Variants in SMYD3 observed in about 807,000 individuals in gnomAD.
The protein encoded by SMYD3 is SET and MYND domain containing 3.
Under a neutral mutation model 57.7 loss-of-function variants are expected in SMYD3, and 36 were observed. The observed-to-expected ratio is 0.62, with a 90% confidence interval of 0.48 to 0.82. The LOEUF is 0.82. SMYD3 is among the 40% of genes least tolerant of loss of function. The pLI is 0.00. For missense variants in SMYD3, 515 were observed against 538.8 expected (o/e 0.96, Z 0.44); for synonymous variants, 211 against 195.0 (o/e 1.08, Z -0.68).
At chr1:246,194,185 T>C (rs899913477) in intron 5 of SMYD3, among the ~76,000 whole-genome samples, 1 of 152,006 alleles carries the variant, frequency 6.6e-6, no homozygotes, top group African/African-American at 2.4e-5. Context: ...TTTAAAAAAG[T>C]ATCAAGGGGG....
At chr1:246,251,214 A>G (rs931932545) in intron 5 of SMYD3, among the ~76,000 whole-genome samples, 8 of 152,232 alleles carry the variant, frequency 5.3e-5, no homozygotes, top group African/African-American at 1.9e-4. Flanking sequence ...TTGGGTTGTT[A>G]GGACAGTATA....
chr1:245,999,088 G>A (rs1012356092), intron 5 of SMYD3, among the ~76,000 whole-genome samples: 1 of 151,964 alleles, frequency 6.6e-6, no homozygotes, highest in Non-Finnish European at 1.5e-5. Flanking sequence ...GACTGTGGAT[G>A]TAATTAATAT....
At chr1:246,399,194 T>G (rs1445672694) in intron 1 of SMYD3, among the ~76,000 whole-genome samples, 4 of 149,500 alleles carry the variant, frequency 2.7e-5, no homozygotes, top group Non-Finnish European at 4.5e-5. Context: ...GCTAGTTTTT[T>G]TGTATTTTTA....
In SMYD3 at chr1:246,229,552, G is replaced by A. The variant is rs957918762; in HGVS notation, c.531+97649C>T. ...TTATGCACTACCATAGTCTGTTTTCGCAGTTATAATGAAATACCTCAGACT... is the reference window on the plus strand; with the variant it reads ...TTATGCACTACCATAGTCTGTTTTCACAGTTATAATGAAATACCTCAGACT... On this transcript the variant is annotated intron_variant, in intron 5 of 11. Coordinates refer to ENST00000490107, the MANE Select transcript of SMYD3 (RefSeq NM_001167740.2). 4.6e-5 allele frequency among the ~76,000 whole-genome samples: 7 copies of A among 152,110 alleles called. No homozygotes were observed. In the East Asian group the frequency reaches 5.8e-4, roughly 13 times the overall value.
intron 1 of SMYD3, 138 bp downstream of exon 1, chr1:246,506,916 G>A (rs1248895918): frequency 3.8e-6 from 3 of 785,526 alleles, no homozygotes; most frequent in South Asian, 2.9e-5. Flanking sequence ...GCACACGCGC[G>A]TCAGGGGCAG....
At chr1:245,757,909 T>C (rs1044824950) in intron 11 of SMYD3, among the ~76,000 whole-genome samples, 87 of 152,282 alleles carry the variant, frequency 5.7e-4, no homozygotes, top group African/African-American at 1.9e-3. Context: ...CTATTTGGGA[T>C]TCCTTGAGGT....
chr1:246,031,480 A>G (rs1487876063), intron 5 of SMYD3, among the ~76,000 whole-genome samples: 5 of 152,148 alleles, frequency 3.3e-5, no homozygotes, highest in African/African-American at 1.2e-4. Context: ...GCTCACGGCT[A>G]TAATCCCAGC....
At chr1:245,817,232 C>G (rs1481263013) in intron 10 of SMYD3, among the ~76,000 whole-genome samples, 2 of 143,412 alleles carry the variant, frequency 1.4e-5, no homozygotes, top group East Asian at 2.0e-4. Context: ...CAAGTGGGTC[C>G]CTGACCCCTG....
At chr1:245,985,052 C>T (rs1445410791) in intron 5 of SMYD3, among the ~76,000 whole-genome samples, 1 of 152,112 alleles carries the variant, frequency 6.6e-6, no homozygotes, top group Admixed American at 6.5e-5. Context: ...CATCGCTCAC[C>T]TGACCACACA....
At chr1:245,836,052 C>T (rs2050091371) in intron 10 of SMYD3, among the ~76,000 whole-genome samples, 1 of 152,154 alleles carries the variant, frequency 6.6e-6, no homozygotes, top group African/African-American at 2.4e-5. Flanking sequence ...CAACTCCTAC[C>T]AAACATTAGC....
At chr1:245,879,454 G>A (rs1464939163) in intron 8 of SMYD3, among the ~76,000 whole-genome samples, 1 of 152,240 alleles carries the variant, frequency 6.6e-6, no homozygotes, top group Non-Finnish European at 1.5e-5. Flanking sequence ...ACAACGCTGA[G>A]TAACCGAGGT....
At chr1:245,752,925 G>T (rs1183965680) in intron 11 of SMYD3, among the ~76,000 whole-genome samples, 1 of 152,194 alleles carries the variant, frequency 6.6e-6, no homozygotes, top group Non-Finnish European at 1.5e-5. Flanking sequence ...AACCCAGTGT[G>T]TCCATTCCAT....
chr1:246,014,183 C>T (rs1311087801), intron 5 of SMYD3, among the ~76,000 whole-genome samples: 2 of 152,116 alleles, frequency 1.3e-5, no homozygotes, highest in Non-Finnish European at 2.9e-5. Context: ...GTTAGCCGGG[C>T]ATGGTGGTGC....
chr1:246,136,643 G>C lies in SMYD3; in HGVS notation c.531+190558C>G, dbSNP rs144967177. Among the ~76,000 whole-genome samples, 259 of 152,300 alleles carry C rather than the reference G, an allele frequency of 1.7e-3. 4 individuals carry two copies. The highest frequency in any genetic ancestry group is 0.016 in the East Asian group (81 of 5,190). ...GGAGAACATAACAACCAGTAGGCAA[G>C]ATAAGGAATACAGTTAAATGAATCA... On this transcript the variant is annotated intron_variant, in intron 5 of 11. Transcript: ENST00000490107.
chr1:245,829,249 G>A (rs1306882978), intron 10 of SMYD3, among the ~76,000 whole-genome samples: 1 of 151,968 alleles, frequency 6.6e-6, no homozygotes, highest in Non-Finnish European at 1.5e-5. Context: ...AATAATGGAA[G>A]TATTGAATAT....
At chr1:246,369,065 A>C (rs1210872166) in intron 1 of SMYD3, among the ~76,000 whole-genome samples, 2 of 152,180 alleles carry the variant, frequency 1.3e-5, no homozygotes, top group Non-Finnish European at 2.9e-5. Context: ...ACCTCTCAAA[A>C]CCACTGAACT....
intron 10 of SMYD3, among the ~76,000 whole-genome samples, chr1:245,792,611 T>C (rs1170817051): frequency 1.3e-5 from 2 of 152,098 alleles, no homozygotes; most frequent in Non-Finnish European, 2.9e-5. Context: ...ACTTTGGGGG[T>C]GTCATGATAA....
At chr1:246,274,196 G>A (rs1474937769) in intron 5 of SMYD3, among the ~76,000 whole-genome samples, 3 of 152,104 alleles carry the variant, frequency 2.0e-5, no homozygotes, top group Non-Finnish European at 2.9e-5. Flanking sequence ...TTGTCTTTAT[G>A]TGTCCTAGAA....
chr1:246,022,688 T>C (rs571731914), intron 5 of SMYD3, among the ~76,000 whole-genome samples: 1 of 152,332 alleles, frequency 6.6e-6, no homozygotes, highest in East Asian at 1.9e-4. Context: ...AAATTGTAGA[T>C]GGGTATAACT....
Sources: gnomAD v4.1 joint callset for allele counts (sites outside exome capture counted in the v4.1 genomes callset) on GRCh38, gnomAD v4.1.1 for gene constraint, MANE v1.5 for transcripts, NCBI Gene and HGNC (gene_info 2026-07-23, HGNC 2026-07-21) for gene names.